The following MICAL3 variants were observed in gnomAD, a reference collection of about 807,000 sequenced individuals.
MICAL3 encodes [F-actin]-monooxygenase MICAL3.
A neutral mutation model predicts 207.4 loss-of-function variants in MICAL3; 62 were observed. The ratio of observed to expected loss-of-function variants is 0.30; its 90% CI spans 0.24 to 0.37. The LOEUF (loss-of-function observed/expected upper bound fraction) is 0.37, where lower values mean the gene tolerates loss of function less well. Ranked by LOEUF, MICAL3 falls within the 10% of genes least tolerant of loss-of-function variation. The probability of loss-of-function intolerance (pLI) is 1.00; values close to 1 mark genes in which losing one functional copy is unlikely to be tolerated. For missense variants in MICAL3, 2,368 were observed against 2,635.6 expected, an observed-to-expected ratio of 0.90 and a Z score of 2.22; for synonymous variants, 1,077 against 1,069.3, an observed-to-expected ratio of 1.01 and a Z score of -0.14.
At chr22:17,869,978 T>C (rs1000795720) in intron 17 of MICAL3, among the ~76,000 whole-genome samples, 4 of 152,192 alleles carry the variant, frequency 2.6e-5, no homozygotes, top group Non-Finnish European at 4.4e-5. Context: ...TCTGAGACAC[T>C]TGGCAACTTG....
At chr22:17,842,772 C>T (rs767498553) in intron 19 of MICAL3, among the ~76,000 whole-genome samples, 4 of 152,206 alleles carry the variant, frequency 2.6e-5, no homozygotes, top group Admixed American at 6.5e-5. Flanking sequence ...GCATCGTCGG[C>T]GATCTTGGCC....
At chr22:17,899,849 G>A (rs1931175860) in intron 6 of MICAL3, among the ~76,000 whole-genome samples, 1 of 152,070 alleles carries the variant, frequency 6.6e-6, no homozygotes, top group African/African-American at 2.4e-5. Context: ...AACCTCTAAA[G>A]AGGGCTTGGA....
chr22:17,823,160 C>T (rs991330077), intron 22 of MICAL3, 100 bp from the exon 23 acceptor site: 4 of 769,766 alleles, frequency 5.2e-6, no homozygotes, highest in African/African-American at 3.4e-5. Flanking sequence ...CAGGGCGCTG[C>T]CATGCAGGCC....
intron 29 of MICAL3, among the ~76,000 whole-genome samples, chr22:17,792,417 C>T (rs1004407609): frequency 3.3e-5 from 5 of 152,184 alleles, no homozygotes; most frequent in African/African-American, 9.7e-5. Flanking sequence ...GGGCACTAGA[C>T]GGGGACATCT....
At chr22:17,868,708 G>T (rs1362650961) in intron 17 of MICAL3, among the ~76,000 whole-genome samples, 1 of 152,260 alleles carries the variant, frequency 6.6e-6, no homozygotes, top group East Asian at 1.9e-4. Flanking sequence ...ACTGGAAAAG[G>T]GAAATGGAGA....
intron 19 of MICAL3, chr22:17,842,603 C>T (rs773369203): frequency 1.7e-4 from 26 of 157,486 alleles, no homozygotes; most frequent in Non-Finnish European, 3.3e-4. Flanking sequence ...CTGCCCCTAC[C>T]GCAGCACCGC....
At chr22:17,877,270 T>G (rs1271054255) in intron 16 of MICAL3, among the ~76,000 whole-genome samples, 52 of 57,658 alleles carry the variant, frequency 9.0e-4, no homozygotes, top group Admixed American at 1.3e-3. Context: ...AGGGAAGTTA[T>G]GGAGGTTAGG....
chr22:17,896,957 G>A lies in MICAL3; in HGVS notation c.973C>T (p.Leu325Phe), dbSNP rs1930896539. ...LHDYADTELL[L>F]SRENVDQEAL... ...TCCTGGTCCACGTTTTCTCGGGAAA[G>A]CAGGAGCTCTGTGTCGGCGTAGTCC... Residue 325 changes from leucine to phenylalanine, a missense_variant, in exon 8 of 32, where the codon CTT becomes TTT. Coordinates refer to ENST00000441493, the MANE Select transcript of MICAL3 (RefSeq NM_015241.3). 1.2e-6 allele frequency: 2 copies of A among 1,613,594 alleles called. No individual in the cohort carries two copies. The highest frequency in any genetic ancestry group is 1.3e-5 in the African/African-American group (1 of 74,914).
At chr22:17,807,652 C>T (rs1238758460) in intron 29 of MICAL3, among the ~76,000 whole-genome samples, 3 of 152,210 alleles carry the variant, frequency 2.0e-5, no homozygotes, top group African/African-American at 4.8e-5. Context: ...AGGAGACCTA[C>T]TTCCATTCTG....
intron 1 of MICAL3, among the ~76,000 whole-genome samples, chr22:17,982,647 G>C (rs1006556512): frequency 1.5e-4 from 22 of 144,804 alleles, no homozygotes; most frequent in Admixed American, 1.4e-4. Context: ...CTCCAGCCTG[G>C]GCGACAGAGT....
Position 17,900,147 on chromosome 22 carries a change from GGAA to G in MICAL3, c.848-602_848-600del, listed in dbSNP as rs1281470713. 2.0e-5 allele frequency among the ~76,000 whole-genome samples: 3 copies of G among 152,142 alleles called. No individual in the cohort carries two copies. Among genetic ancestry groups the G allele is most frequent in the East Asian group, 1.9e-4 (1 of 5,188 alleles). On this transcript the variant is annotated intron_variant, in intron 6 of 31. Transcript: ENST00000441493. The surrounding 1 kb of genome is among the most constrained non-coding windows in gnomAD (Gnocchi z 4.0). The stretch of plus-strand genomic sequence containing the variant: ...GCCTTCAAGCCTGAGCTGGAACTCA[GGAA>G]GAAGACTACATACTTAAAAGGCCTA...
intron 16 of MICAL3, among the ~76,000 whole-genome samples, chr22:17,873,176 C>T (rs531443723): frequency 5.9e-5 from 9 of 152,344 alleles, no homozygotes; most frequent in African/African-American, 1.7e-4. Context: ...AGGGCGAACG[C>T]GCACAGAGAC....
chr22:17,794,451 G>A (rs1211818747), intron 29 of MICAL3, among the ~76,000 whole-genome samples: 1 of 152,278 alleles, frequency 6.6e-6, no homozygotes, highest in African/African-American at 2.4e-5. Flanking sequence ...CTCTGAGTCT[G>A]TGGGGGCAGC....
chr22:17,976,323 C>T (rs868263201), intron 1 of MICAL3, among the ~76,000 whole-genome samples: 69 of 151,932 alleles, frequency 4.5e-4, no homozygotes, highest in African/African-American at 1.4e-3. Context: ...TTAGATAACA[C>T]GAGGGAGTTA....
chr22:17,819,056 A>G lies in MICAL3; in HGVS notation c.3605T>C (p.Leu1202Ser). Residue 1202 changes from leucine (L) to serine (S), a missense_variant, in exon 26 of 32, where the codon TTG becomes TCG. This residue lies in a region of MICAL3 where 1,770 missense variants were observed against 1,863.2 expected (regional missense o/e 0.95). Transcript: ENST00000441493. Reference sequence around the variant, plus strand: ...AGCTTTGGGCTTCTCTTTGGGGAGCAAAGGCTCAGGGAAAAGGCGCTCCTC... The same window carrying G: ...AGCTTTGGGCTTCTCTTTGGGGAGCGAAGGCTCAGGGAAAAGGCGCTCCTC... ...SPEERLFPEPLLPKEKPKADA... is the reference protein window; with the variant it reads ...SPEERLFPEPSLPKEKPKADA... 1 of 1,579,346 alleles carries G rather than the reference A, an allele frequency of 6.3e-7. No homozygotes were observed. Among genetic ancestry groups the G allele is most frequent in the East Asian group, 2.3e-5 (1 of 44,378 alleles).
chr22:17,814,036 T>A (rs2062076766), intron 27 of MICAL3: 1 of 152,214 alleles, frequency 6.6e-6, no homozygotes, highest in Non-Finnish European at 1.5e-5. Flanking sequence ...TAAAAGTTTA[T>A]AACAAAACAA....
intron 1 of MICAL3, among the ~76,000 whole-genome samples, chr22:17,953,968 GAAAAGA>G (rs369091533): frequency 0.014 from 1,202 of 86,088 alleles, 22 homozygotes; most frequent in African/African-American, 0.044. Flanking sequence ...AAAAAAAAAA[GAAAAGA>G]AAAAGAAAAA....
intron 19 of MICAL3, chr22:17,862,030 G>GT (rs1170198782): frequency 2.1e-5 from 21 of 985,324 alleles, no homozygotes; most frequent in Non-Finnish European, 2.4e-5. Context: ...GAGGCACAGA[G>GT]TAAAAGCACA....
chr22:17,989,231 C>T (rs1388312272), intron 1 of MICAL3, among the ~76,000 whole-genome samples: 1 of 152,140 alleles, frequency 6.6e-6, no homozygotes, highest in African/African-American at 2.4e-5. Context: ...TTTCAGGAAG[C>T]CCTTCCTGCC....
Sources: gnomAD v4.1 joint callset for allele counts (sites outside exome capture counted in the v4.1 genomes callset) on GRCh38, gnomAD v4.1.1 for gene constraint, gnomAD v4.1.1 regional missense constraint, Gnocchi (gnomAD v3.1) non-coding constraint, MANE v1.5 for transcripts, NCBI Gene and HGNC (gene_info 2026-07-23, HGNC 2026-07-21) for gene names.